Variants in GLIS3 observed in about 807,000 individuals in gnomAD.
GLIS3 encodes zinc finger protein GLIS3.
Under a neutral mutation model 78.6 loss-of-function variants are expected in GLIS3, and 53 were observed. That is an observed-to-expected ratio of 0.67 (90% CI 0.54 to 0.85). The LOEUF (loss-of-function observed/expected upper bound fraction) is 0.85. GLIS3 is among the 40% of genes least tolerant of loss of function. The pLI is 0.00. For synonymous variants in GLIS3, 684 were observed against 509.9 expected (o/e 1.34, Z -4.60); for missense variants, 1,703 against 1,231.1 (o/e 1.38, Z -5.74).
chr9:3,952,321 G>A (rs1297704894), intron 4 of GLIS3, among the ~76,000 whole-genome samples: 3 of 151,980 alleles, frequency 2.0e-5, no homozygotes, highest in Non-Finnish European at 2.9e-5. Flanking sequence ...CTACTCTTCC[G>A]CTTCCTTGTG....
chr9:4,403,942 G>A, the GLIS3 span, among the ~76,000 whole-genome samples: 8 of 152,218 alleles, frequency 5.3e-5, no homozygotes, highest in South Asian at 8.3e-4. Flanking sequence ...CTGAATGGAT[G>A]AGAAAATAAG....
chr9:4,395,106 A>C, the GLIS3 span, among the ~76,000 whole-genome samples: 1 of 152,228 alleles, frequency 6.6e-6, no homozygotes, highest in African/African-American at 2.4e-5. Flanking sequence ...GCATGTCTCC[A>C]ACATACCTGA....
At chr9:4,198,063 G>T (rs1013772440) in intron 2 of GLIS3, among the ~76,000 whole-genome samples, 2 of 152,068 alleles carry the variant, frequency 1.3e-5, no homozygotes, top group African/African-American at 2.4e-5. Flanking sequence ...AGATGAGAAG[G>T]AACCAGTGCA....
At chr9:4,091,012 A>T (rs945174336) in intron 4 of GLIS3, among the ~76,000 whole-genome samples, 2 of 152,208 alleles carry the variant, frequency 1.3e-5, no homozygotes, top group Non-Finnish European at 2.9e-5. Flanking sequence ...ATATATAAAA[A>T]GGGGGATGAT....
chr9:4,367,123 A>G, the GLIS3 span, among the ~76,000 whole-genome samples: 1 of 152,218 alleles, frequency 6.6e-6, no homozygotes, highest in African/African-American at 2.4e-5. Flanking sequence ...ACTCAAACTC[A>G]AAGCTCTCCA....
intron 2 of GLIS3, among the ~76,000 whole-genome samples, chr9:4,285,078 G>A (rs926418362): frequency 6.6e-6 from 1 of 152,086 alleles, no homozygotes; most frequent in African/African-American, 2.4e-5. Context: ...TTAATTAACT[G>A]AATGACTGGC....
chr9:4,319,846 A>G (rs1817495835), intron 2 of GLIS3, among the ~76,000 whole-genome samples: 1 of 152,168 alleles, frequency 6.6e-6, no homozygotes, highest in Non-Finnish European at 1.5e-5. Flanking sequence ...TTATTGAAAT[A>G]TACTTGATCA....
the GLIS3 span, among the ~76,000 whole-genome samples, chr9:4,437,582 C>T: frequency 2.5e-3 from 381 of 152,250 alleles, 3 homozygotes; most frequent in African/African-American, 8.5e-3. Context: ...CCCAAAGTCG[C>T]AAAACTATCT....
chr9:4,476,612 T>TC, the GLIS3 span, among the ~76,000 whole-genome samples: 1 of 152,150 alleles, frequency 6.6e-6, no homozygotes, highest in African/African-American at 2.4e-5. Context: ...TCCACTCACC[T>TC]CAGCCTCCCT....
At chr9:3,935,720 A>G (rs935451651) in intron 5 of GLIS3, among the ~76,000 whole-genome samples, 8 of 152,166 alleles carry the variant, frequency 5.3e-5, no homozygotes, top group Non-Finnish European at 1.0e-4. Context: ...AACACAATTT[A>G]TTCTTTTTTT....
intron 2 of GLIS3, among the ~76,000 whole-genome samples, chr9:4,344,497 G>A (rs1382916050): frequency 6.6e-6 from 1 of 152,170 alleles, no homozygotes; most frequent in South Asian, 2.1e-4. Flanking sequence ...ACCTCTAAGT[G>A]TAAAGTAACC....
chr9:4,435,963 C>T, the GLIS3 span, among the ~76,000 whole-genome samples: 4 of 151,926 alleles, frequency 2.6e-5, no homozygotes, highest in African/African-American at 4.8e-5. Context: ...CAAAACAAAA[C>T]AAAACAAAAC....
At chr9:4,057,741 G>A (rs996343259) in intron 4 of GLIS3, among the ~76,000 whole-genome samples, 14 of 152,082 alleles carry the variant, frequency 9.2e-5, no homozygotes, top group African/African-American at 3.4e-4. Flanking sequence ...CTTTTTCAAT[G>A]GTACCAAAAG....
chr9:4,327,510 G>C (rs1353433494), intron 2 of GLIS3, among the ~76,000 whole-genome samples: 3 of 152,178 alleles, frequency 2.0e-5, no homozygotes, highest in Non-Finnish European at 4.4e-5. Flanking sequence ...ACAGATTCAA[G>C]TGGGATTTAG....
intron 4 of GLIS3, among the ~76,000 whole-genome samples, chr9:3,954,624 C>T (rs1816961814): frequency 6.6e-6 from 1 of 152,182 alleles, no homozygotes. Flanking sequence ...TATGCACTTC[C>T]AAGCTCAGTA....
chr9:3,934,410 A>ATTTTTTTTTTTTTTT lies in GLIS3; in HGVS notation c.1873-1955_1873-1941dup, dbSNP rs71308889. Among the ~76,000 whole-genome samples the ATTTTTTTTTTTTTTT allele has an allele frequency of 1.4e-5, 2 of 138,480 alleles. 1 individual carries two copies. Among genetic ancestry groups the ATTTTTTTTTTTTTTT allele is most frequent in the African/African-American group, 5.3e-5 (2 of 37,752 alleles). 90.8% of individuals were successfully genotyped at this position (138,480 alleles called of 152,430 possible). ...GGTTGGTAATGTCATTTTCTATTTG[A>ATTTTTTTTTTTTTTT]TTTTTTTTTTTTTTTTTGAGATGGA... On this transcript the variant is annotated intron_variant, in intron 5 of 10. Transcript: ENST00000381971.
intron 4 of GLIS3, among the ~76,000 whole-genome samples, chr9:4,067,571 T>C (rs1453763804): frequency 2.0e-5 from 3 of 152,142 alleles, no homozygotes; most frequent in South Asian, 2.1e-4. Context: ...AAGGAGAATA[T>C]TTTTTAGAAT....
At chr9:4,126,825 C>G (rs1042272361) in intron 2 of GLIS3, among the ~76,000 whole-genome samples, 2 of 152,206 alleles carry the variant, frequency 1.3e-5, no homozygotes, top group African/African-American at 4.8e-5. Flanking sequence ...ACTATACACT[C>G]TGTTCCCATT....
intron 4 of GLIS3, among the ~76,000 whole-genome samples, chr9:4,026,003 A>T (rs12003591): frequency 0.1 from 15,495 of 152,188 alleles, 1,764 homozygotes; most frequent in African/African-American, 0.29. Flanking sequence ...AGAAGTCATG[A>T]TAGGGAAGAA....
Sources: allele counts gnomAD v4.1 joint callset (sites outside exome capture counted in the v4.1 genomes callset), GRCh38; gene constraint gnomAD v4.1.1; transcripts MANE v1.5; gene names NCBI Gene and HGNC (gene_info 2026-07-23, HGNC 2026-07-21).